The following DHRSX variants were observed in gnomAD, a reference collection of about 807,000 sequenced individuals.
DHRSX encodes the protein polyprenol dehydrogenase.
Under a neutral mutation model 34.0 loss-of-function variants are expected in DHRSX, and 31 were observed. The ratio of observed to expected loss-of-function variants is 0.91; its 90% CI spans 0.69 to 1.23. The LOEUF is 1.23. Among genes scored for constraint, DHRSX ranks in the 50% most tolerant of loss-of-function variants. The probability of loss-of-function intolerance (pLI) is 0.00; values close to 1 mark genes in which losing one functional copy is unlikely to be tolerated. For synonymous variants in DHRSX, 201 were observed against 183.8 expected (o/e 1.09, Z -0.76); for missense variants, 414 against 428.1 (o/e 0.97, Z 0.29).
chrX:2,260,410 A>G (rs2041347358), intron 5 of DHRSX, among the ~76,000 whole-genome samples: 1 of 150,112 alleles, frequency 6.7e-6, no homozygotes, highest in Non-Finnish European at 1.5e-5. Flanking sequence ...CTCCATCTCC[A>G]TCTCCATGTG....
intron 3 of DHRSX, among the ~76,000 whole-genome samples, chrX:2,308,200 G>A (rs2042123176): frequency 6.6e-6 from 1 of 152,134 alleles, no homozygotes; most frequent in African/African-American, 2.4e-5. Context: ...CATGTGGCAA[G>A]AACAGAAAAG....
chrX:2,232,613 C>T (rs73626171), intron 6 of DHRSX, among the ~76,000 whole-genome samples: 121,679 of 151,636 alleles, frequency 0.8, 49,178 homozygotes, highest in East Asian at 0.95. Flanking sequence ...ATTTGAGATG[C>T]CAGGGCTGGA....
At chrX:2,294,491 T>A (rs1417668806) in intron 3 of DHRSX, among the ~76,000 whole-genome samples, 1 of 151,670 alleles carries the variant, frequency 6.6e-6, no homozygotes, top group Non-Finnish European at 1.5e-5. Flanking sequence ...GTGGTCAAAC[T>A]CCATCTCTAC....
intron 3 of DHRSX, among the ~76,000 whole-genome samples, chrX:2,309,548 A>G (rs919684979): frequency 5.3e-5 from 8 of 152,218 alleles, no homozygotes; most frequent in African/African-American, 1.7e-4. Flanking sequence ...AATAAATGTG[A>G]TAAGTGTGTC....
chrX:2,245,282 T>A (rs1312451368), intron 5 of DHRSX, among the ~76,000 whole-genome samples: 1 of 152,038 alleles, frequency 6.6e-6, no homozygotes, highest in African/African-American at 2.4e-5. Context: ...CCTCCCTGCT[T>A]CCAGTTGTCC....
intron 3 of DHRSX, among the ~76,000 whole-genome samples, chrX:2,407,712 T>C (rs2043574330): frequency 1.3e-5 from 2 of 152,118 alleles, no homozygotes; most frequent in Non-Finnish European, 2.9e-5. Flanking sequence ...TTCTTACTTA[T>C]AAGCAGGAGC....
intron 3 of DHRSX, among the ~76,000 whole-genome samples, chrX:2,380,046 C>G (rs1208412865): frequency 6.6e-6 from 1 of 152,020 alleles, no homozygotes; most frequent in Non-Finnish European, 1.5e-5. Flanking sequence ...CCTGTAATCC[C>G]AGCACTTCGG....
intron 2 of DHRSX, among the ~76,000 whole-genome samples, chrX:2,416,463 A>G (rs2043694427): frequency 6.6e-6 from 1 of 152,200 alleles, no homozygotes; most frequent in Non-Finnish European, 1.5e-5. Flanking sequence ...AGAGTCACCA[A>G]TCTGCGGCTA....
At chrX:2,244,432 T>A (rs919132400) in intron 5 of DHRSX, among the ~76,000 whole-genome samples, 1 of 152,104 alleles carries the variant, frequency 6.6e-6, no homozygotes, top group Admixed American at 6.6e-5. Context: ...GAGATGTTAT[T>A]TGCGGTGTTA....
chrX:2,230,299 A>C (rs1303184410), intron 6 of DHRSX, among the ~76,000 whole-genome samples: 5 of 152,216 alleles, frequency 3.3e-5, no homozygotes, highest in African/African-American at 1.2e-4. Context: ...GGGTTGTGCT[A>C]AACTTCTAGG....
At position 2,452,466 on chromosome X, in the gene DHRSX, T is replaced by C. The variant is rs370256314; in HGVS notation, c.110-27162A>G. On this transcript the variant is annotated intron_variant, in intron 1 of 6. Transcript: ENST00000334651. ...GAATGTGGATAAGGGACCTCCGCCATGTACACACTGAAGACGTTCCCTAAC... is the reference window on the plus strand; with the variant it reads ...GAATGTGGATAAGGGACCTCCGCCACGTACACACTGAAGACGTTCCCTAAC... Among the ~76,000 whole-genome samples, 218 of 151,536 alleles carry C rather than the reference T, an allele frequency of 1.4e-3. 2 individuals carry two copies. Among genetic ancestry groups the C allele is most frequent in the African/African-American group, 4.9e-3 (201 of 41,210 alleles).
At chrX:2,464,172 G>A (rs1454673160) in intron 1 of DHRSX, among the ~76,000 whole-genome samples, 2 of 145,646 alleles carry the variant, frequency 1.4e-5, no homozygotes, top group Non-Finnish European at 3.0e-5. Flanking sequence ...CGAAGAGATG[G>A]CAGACGTTTC....
intron 1 of DHRSX, among the ~76,000 whole-genome samples, chrX:2,484,762 CT>C (rs1284560971): frequency 6.6e-6 from 1 of 152,130 alleles, no homozygotes; most frequent in East Asian, 1.9e-4. Flanking sequence ...AACAGTAGAA[CT>C]GCTGCCCAAG....
chrX:2,265,761 T>C (rs1343426669), intron 5 of DHRSX, among the ~76,000 whole-genome samples: 936 of 39,254 alleles, frequency 0.024, no homozygotes, highest in Middle Eastern at 0.04. Flanking sequence ...CACCAGTGCT[T>C]GGCAGACGCA....
At chrX:2,248,412 G>A (rs1206587205) in intron 5 of DHRSX, among the ~76,000 whole-genome samples, 2 of 146,054 alleles carry the variant, frequency 1.4e-5, no homozygotes, top group Non-Finnish European at 1.5e-5. Flanking sequence ...CAGCCTGGGC[G>A]ACAGAGCGAG....
In DHRSX at chrX:2,356,765, T is replaced by G. The variant is rs776998579; in HGVS notation, c.286+51980A>C. On this transcript the variant is annotated intron_variant, in intron 3 of 6. Coordinates refer to ENST00000334651, the MANE Select transcript of DHRSX (RefSeq NM_145177.3). ...CCCTTTCCATTTGATGAATAGTAAA[T>G]GTAGTTTCTCTTTCTCATGATTCTC... Among the ~76,000 whole-genome samples the G allele has an allele frequency of 2.3e-3, 349 of 152,308 alleles. 1 individual carries two copies. Among genetic ancestry groups the G allele is most frequent in the Non-Finnish European group, 3.7e-3 (255 of 68,030 alleles).
At chrX:2,436,422 A>G (rs2050018754) in intron 1 of DHRSX, among the ~76,000 whole-genome samples, 1 of 150,636 alleles carries the variant, frequency 6.6e-6, no homozygotes, top group Admixed American at 6.7e-5. Flanking sequence ...GGTTGGTGCA[A>G]AAGTTAATGG....
At position 2,243,788 on chromosome X, in the gene DHRSX, G is replaced by GTTTTTTTTTTTT. The variant is rs778957532; in HGVS notation, c.597-570_597-559dup. On this transcript the variant is annotated intron_variant, in intron 5 of 6. Coordinates refer to ENST00000334651, the MANE Select transcript of DHRSX (RefSeq NM_145177.3). ...ACAGGCAGGAGCCACTATGCTCCCT[G>GTTTTTTTTTTTT]TTTTTTTTTTTTTTTTTTTTTTTTT... Among the ~76,000 whole-genome samples the GTTTTTTTTTTTT allele has an allele frequency of 2.2e-3, 54 of 25,102 alleles. 2 individuals carry two copies. The highest frequency in any genetic ancestry group is 0.019 in the East Asian group (10 of 514). The allele number at this position is 25,102 out of a possible 152,430, so 16.5% of individuals were successfully genotyped here.
intron 3 of DHRSX, among the ~76,000 whole-genome samples, chrX:2,330,032 G>T (rs183421342): frequency 3.8e-4 from 50 of 132,786 alleles, no homozygotes; most frequent in African/African-American, 1.3e-3. Context: ...ATTTGGATAT[G>T]GACGTCAATG....
Sources: gnomAD v4.1 joint callset for allele counts (sites outside exome capture counted in the v4.1 genomes callset) on GRCh38, gnomAD v4.1.1 for gene constraint, MANE v1.5 for transcripts, NCBI Gene and HGNC (gene_info 2026-07-23, HGNC 2026-07-21) for gene names.